The following WWOX variants were observed in gnomAD, a reference collection of about 807,000 sequenced individuals.
The protein encoded by WWOX is WW domain containing oxidoreductase.
A neutral mutation model predicts 46.2 loss-of-function variants in WWOX; 69 were observed. That is an observed-to-expected ratio of 1.49 (90% confidence interval 1.23 to 1.82). WWOX has a LOEUF of 1.82. Among genes scored for constraint, WWOX ranks in the 40% most tolerant of loss-of-function variants. The probability of loss-of-function intolerance (pLI) is 0.00; values close to 1 mark genes in which losing one functional copy is unlikely to be tolerated. For missense variants in WWOX, 919 were observed against 542.6 expected, an observed-to-expected ratio of 1.69 and a Z score of -6.89; for synonymous variants, 359 against 202.6, an observed-to-expected ratio of 1.77 and a Z score of -6.56.
At chr16:78,262,144 C>T (rs1365292293) in intron 5 of WWOX, among the ~76,000 whole-genome samples, 2 of 145,874 alleles carry the variant, frequency 1.4e-5, no homozygotes, top group Non-Finnish European at 3.0e-5. Context: ...AATATACATC[C>T]TCCTATCCAG....
At chr16:78,516,198 T>A (rs1287125726) in intron 8 of WWOX, among the ~76,000 whole-genome samples, 4 of 151,666 alleles carry the variant, frequency 2.6e-5, no homozygotes, top group Non-Finnish European at 5.9e-5. Context: ...GCCCCGGGAG[T>A]CCTTCACACT....
chr16:78,566,239 C>G (rs966439725), intron 8 of WWOX, among the ~76,000 whole-genome samples: 2 of 152,150 alleles, frequency 1.3e-5, no homozygotes, highest in African/African-American at 4.8e-5. Context: ...AGCCCCACCT[C>G]CAAGTACTGT....
At chr16:78,251,163 G>T (rs751462524) in intron 5 of WWOX, among the ~76,000 whole-genome samples, 11 of 152,160 alleles carry the variant, frequency 7.2e-5, no homozygotes, top group Non-Finnish European at 1.5e-4. Context: ...CCTAGTTCTG[G>T]CTCTTCCCAT....
At chr16:78,561,013 G>T (rs1018676120) in intron 8 of WWOX, among the ~76,000 whole-genome samples, 1 of 152,158 alleles carries the variant, frequency 6.6e-6, no homozygotes, top group Non-Finnish European at 1.5e-5. Flanking sequence ...CAAAATAAAG[G>T]TGTCCGCTGG....
chr16:79,099,787 C>T (rs1199125514), intron 8 of WWOX, among the ~76,000 whole-genome samples: 1 of 152,106 alleles, frequency 6.6e-6, no homozygotes. Flanking sequence ...GTATGAGAGA[C>T]AAGGGACTAA....
chr16:78,465,830 T>G (rs1290417351), intron 8 of WWOX, among the ~76,000 whole-genome samples: 1 of 152,206 alleles, frequency 6.6e-6, no homozygotes, highest in Non-Finnish European at 1.5e-5. Flanking sequence ...ACAGTCTGAA[T>G]TGCATTCTGT....
At chr16:78,225,077 A>G (rs2037007400) in intron 5 of WWOX, among the ~76,000 whole-genome samples, 1 of 152,180 alleles carries the variant, frequency 6.6e-6, no homozygotes, top group Non-Finnish European at 1.5e-5. Context: ...TGAAAAATGT[A>G]TTGTCGGAAT....
chr16:79,148,893 T>C (rs1293843179), intron 8 of WWOX, among the ~76,000 whole-genome samples: 11 of 142,998 alleles, frequency 7.7e-5, no homozygotes. Context: ...GCATTTATTA[T>C]AAAGTTCCAG....
In WWOX at chr16:78,346,365, A is replaced by C. The variant is rs976714885; in HGVS notation, c.517-40495A>C. 3.3e-4 allele frequency among the ~76,000 whole-genome samples: 40 copies of C among 121,152 alleles called. 10 individuals carry two copies. The highest frequency in any genetic ancestry group is 1.1e-3 in the African/African-American group (38 of 35,800). 79.5% of individuals were successfully genotyped at this position (121,152 alleles called of 152,430 possible). A position where few individuals can be genotyped will look rare whatever the true frequency, so the allele number is the denominator to read the frequency against. On this transcript the variant is annotated intron_variant, in intron 5 of 8. Coordinates refer to ENST00000566780, the MANE Select transcript of WWOX (RefSeq NM_016373.4). ...ACGAAGCCACCGTGAATATTGATGC[A>C]CTAGTCTTTGTGTGGACATATATCT...
chr16:78,155,238 G>C (rs139270232), intron 4 of WWOX, among the ~76,000 whole-genome samples: 6 of 151,802 alleles, frequency 4.0e-5, no homozygotes, highest in African/African-American at 1.5e-4. Flanking sequence ...AGGAGGAAGG[G>C]AGGGAGGAAG....
chr16:78,557,514 C>T (rs897063070), intron 8 of WWOX, among the ~76,000 whole-genome samples: 2 of 152,048 alleles, frequency 1.3e-5, no homozygotes, highest in African/African-American at 4.8e-5. Flanking sequence ...GCACTGGGCC[C>T]ATGGAGCCCG....
At position 78,871,944 on chromosome 16, in the gene WWOX, G is replaced by C. The variant is rs138828959; in HGVS notation, c.1057-339664G>C. Among the ~76,000 whole-genome samples the C allele has an allele frequency of 2.1e-3, 314 of 152,214 alleles. 1 individual carries two copies. The highest frequency in any genetic ancestry group is 6.9e-3 in the African/African-American group (285 of 41,550). Reference sequence around the variant, plus strand: ...TGGCCCCTCAACCTGTTTTCTTCCAGCCATGCCCTAGGGAGAGCTTGGCTG... The same window carrying C: ...TGGCCCCTCAACCTGTTTTCTTCCACCCATGCCCTAGGGAGAGCTTGGCTG... On this transcript the variant is annotated intron_variant, in intron 8 of 8. Transcript: ENST00000566780.
chr16:78,192,508 A>AG (rs892366978), intron 5 of WWOX, among the ~76,000 whole-genome samples: 5 of 151,694 alleles, frequency 3.3e-5, no homozygotes, highest in Admixed American at 2.6e-4. Context: ...AAAAAAAAAA[A>AG]AAAGAAAGAA....
intron 8 of WWOX, among the ~76,000 whole-genome samples, chr16:78,486,835 G>A (rs1380247906): frequency 1.3e-5 from 2 of 152,180 alleles, no homozygotes; most frequent in Non-Finnish European, 2.9e-5. Context: ...GCCTCCCAAA[G>A]TGCTGGGATT....
chr16:78,989,251 A>G (rs2046837883), intron 8 of WWOX, among the ~76,000 whole-genome samples: 1 of 152,096 alleles, frequency 6.6e-6, no homozygotes. Flanking sequence ...GGGTGGTTCT[A>G]AGAATTCTAA....
chr16:79,163,296 G>C (rs539667974), intron 8 of WWOX, among the ~76,000 whole-genome samples: 5 of 152,172 alleles, frequency 3.3e-5, no homozygotes, highest in Non-Finnish European at 5.9e-5. Flanking sequence ...AAACATCCAA[G>C]CATTGAAAAC....
intron 8 of WWOX, among the ~76,000 whole-genome samples, chr16:78,964,513 C>G (rs1050188583): frequency 6.6e-6 from 1 of 152,144 alleles, no homozygotes; most frequent in Admixed American, 6.6e-5. Context: ...GCAAAACATT[C>G]AAGAGGTGAC....
intron 8 of WWOX, among the ~76,000 whole-genome samples, chr16:78,591,146 C>A (rs909174926): frequency 1.3e-5 from 2 of 152,132 alleles, no homozygotes; most frequent in East Asian, 1.9e-4. Context: ...AGTTTCACCC[C>A]CCTTTCTCCC....
At chr16:78,303,403 A>G (rs1029750399) in intron 5 of WWOX, among the ~76,000 whole-genome samples, 3 of 152,154 alleles carry the variant, frequency 2.0e-5, no homozygotes, top group African/African-American at 7.2e-5. Flanking sequence ...CAGACATGAA[A>G]CTTGAGCAAC....
Sources: allele counts gnomAD v4.1 joint callset (sites outside exome capture counted in the v4.1 genomes callset), GRCh38; gene constraint gnomAD v4.1.1; transcripts MANE v1.5; gene names NCBI Gene and HGNC (gene_info 2026-07-23, HGNC 2026-07-21).